The following DYNC1I1 variants were observed in gnomAD, a reference collection of about 807,000 sequenced individuals.
The protein encoded by DYNC1I1 is cytoplasmic dynein 1 intermediate chain 1.
A neutral mutation model predicts 86.6 loss-of-function variants in DYNC1I1; 43 were observed. The ratio of observed to expected loss-of-function variants is 0.50; its 90% CI spans 0.39 to 0.64. The LOEUF is 0.64. Ranked by LOEUF, DYNC1I1 falls within the 30% of genes least tolerant of loss-of-function variation. The pLI, the probability that DYNC1I1 is intolerant of heterozygous loss-of-function variation, is 0.00. For missense variants in DYNC1I1, 604 were observed against 788.8 expected, an observed-to-expected ratio of 0.77 and a Z score of 2.81; for synonymous variants, 262 against 283.7, an observed-to-expected ratio of 0.92 and a Z score of 0.77.
At chr7:96,048,869 G>A (rs1332540092) in intron 14 of DYNC1I1, among the ~76,000 whole-genome samples, 1 of 152,160 alleles carries the variant, frequency 6.6e-6, no homozygotes, top group East Asian at 1.9e-4. Flanking sequence ...GTCCTAAACA[G>A]TTACGCTTGA....
intron 6 of DYNC1I1, among the ~76,000 whole-genome samples, chr7:95,940,933 C>T (rs1792194913): frequency 6.6e-6 from 1 of 152,164 alleles, no homozygotes; most frequent in Non-Finnish European, 1.5e-5. Context: ...ATGGTTTTAT[C>T]TACTTTTGGT....
chr7:95,989,282 A>G (rs963824676), intron 9 of DYNC1I1, among the ~76,000 whole-genome samples: 6 of 152,224 alleles, frequency 3.9e-5, no homozygotes, highest in Admixed American at 1.3e-4. Flanking sequence ...TCAGCAATAA[A>G]GTGGGTGAAT....
At chr7:96,101,088 G>C (rs1192865623), downstream of DYNC1I1, among the ~76,000 whole-genome samples, 3 of 152,148 alleles carry the variant, frequency 2.0e-5, no homozygotes, top group African/African-American at 7.2e-5. Flanking sequence ...AGTAATAGTG[G>C]CTAGGTGGTG....
At chr7:95,777,553 AGCTGTTCTT>A (rs1793874734) in intron 1 of DYNC1I1, among the ~76,000 whole-genome samples, 3 of 152,164 alleles carry the variant, frequency 2.0e-5, no homozygotes. Context: ...CCTCTTTAGC[AGCTGTTCTT>A]GCTTCCAAAT....
intron 16 of DYNC1I1, among the ~76,000 whole-genome samples, chr7:96,092,080 T>C (rs975588514): frequency 6.6e-6 from 1 of 152,108 alleles, no homozygotes; most frequent in African/African-American, 2.4e-5. Flanking sequence ...TCTTTCCCTG[T>C]CCCCCGTTCA....
rs748250252 is a variant in DYNC1I1 at position 95,996,085 on chromosome 7, C to T, written c.969+12C>T. The T allele has an allele frequency of 7.4e-6, 12 of 1,613,732 alleles. No individual in the cohort carries two copies. Among genetic ancestry groups the T allele is most frequent in the South Asian group, 4.4e-5 (4 of 91,066 alleles). ...TCTTCCACTGTCAGGTAGGAGTCAGCGTAGTAAAAATAACTTACATCTCCT... is the reference window on the plus strand; with the variant it reads ...TCTTCCACTGTCAGGTAGGAGTCAGTGTAGTAAAAATAACTTACATCTCCT... On this transcript the variant is annotated intron_variant, in intron 10 of 16. Transcript: ENST00000447467.
chr7:95,777,917 G>A (rs992410898), intron 1 of DYNC1I1, among the ~76,000 whole-genome samples: 3 of 151,886 alleles, frequency 2.0e-5, no homozygotes, highest in Non-Finnish European at 2.9e-5. Flanking sequence ...CACATTTAAG[G>A]TTACATCTAA....
intron 6 of DYNC1I1, among the ~76,000 whole-genome samples, chr7:95,891,271 C>T (rs1790729902): frequency 6.6e-6 from 1 of 152,184 alleles, no homozygotes; most frequent in African/African-American, 2.4e-5. Flanking sequence ...TTTGATCTCC[C>T]TAGTCTGTGG....
chr7:96,004,058 G>A (rs1162840844), intron 10 of DYNC1I1, among the ~76,000 whole-genome samples: 1 of 152,178 alleles, frequency 6.6e-6, no homozygotes, highest in Non-Finnish European at 1.5e-5. Context: ...CAGTGACTTT[G>A]AGCAAAACTT....
intron 7 of DYNC1I1, among the ~76,000 whole-genome samples, chr7:95,983,659 T>G (rs559875405): frequency 3.9e-5 from 6 of 152,314 alleles, no homozygotes; most frequent in African/African-American, 1.4e-4. Context: ...TCATAAAATA[T>G]TGTGCTACAG....
At chr7:95,996,119 A>G (rs1227321310) in intron 10 of DYNC1I1, 46 bp downstream of exon 10, 1 of 1,612,416 alleles carries the variant, frequency 6.2e-7, no homozygotes, top group African/African-American at 1.3e-5. Context: ...CTGCTAGACC[A>G]AATATAGTTT....
At chr7:96,072,137 C>T (rs7796347) in intron 14 of DYNC1I1, among the ~76,000 whole-genome samples, 6,321 of 152,286 alleles carry the variant, frequency 0.042, 201 homozygotes, top group Non-Finnish European at 0.063. Flanking sequence ...AGGCACACAA[C>T]GAACACCCAA....
intron 6 of DYNC1I1, among the ~76,000 whole-genome samples, chr7:95,882,898 A>G (rs780641206): frequency 1.3e-5 from 2 of 152,190 alleles, no homozygotes; most frequent in Admixed American, 6.5e-5. Context: ...TCGTCACATT[A>G]TATCATCTGA....
intron 6 of DYNC1I1, among the ~76,000 whole-genome samples, chr7:95,940,415 CCCGTCA>C (rs1441622100): frequency 2.6e-5 from 4 of 152,142 alleles, no homozygotes; most frequent in Non-Finnish European, 4.4e-5. Context: ...TTCCATTCTC[CCCGTCA>C]CTTTCAGGTA....
At chr7:95,870,594 A>AAT (rs1464423156) in intron 6 of DYNC1I1, among the ~76,000 whole-genome samples, 1 of 152,246 alleles carries the variant, frequency 6.6e-6, no homozygotes, top group African/African-American at 2.4e-5. Flanking sequence ...TGAGGTAACA[A>AAT]CACACGAGAG....
At chr7:95,899,093 C>T (rs755180602) in intron 6 of DYNC1I1, among the ~76,000 whole-genome samples, 3 of 151,944 alleles carry the variant, frequency 2.0e-5, no homozygotes, top group Non-Finnish European at 2.9e-5. Flanking sequence ...ATGTGAAATC[C>T]ACAAGTCTCA....
chr7:95,906,992 T>C (rs1791193203), intron 6 of DYNC1I1, among the ~76,000 whole-genome samples: 1 of 152,186 alleles, frequency 6.6e-6, no homozygotes, highest in Admixed American at 6.5e-5. Context: ...GTCACAGAAA[T>C]GTGGTTTCAT....
At chr7:95,994,151 G>T (rs1249948346) in intron 9 of DYNC1I1, among the ~76,000 whole-genome samples, 115 of 152,192 alleles carry the variant, frequency 7.6e-4, no homozygotes, top group Admixed American at 7.4e-3. Flanking sequence ...GACAACAAAG[G>T]ATGATATATA....
downstream of DYNC1I1, among the ~76,000 whole-genome samples, chr7:96,099,505 CA>C (rs1244583719): frequency 6.6e-6 from 1 of 152,122 alleles, no homozygotes. Flanking sequence ...GCTTAAGCAA[CA>C]GAACTGTATT....
Sources: gnomAD v4.1 joint callset for allele counts (sites outside exome capture counted in the v4.1 genomes callset) on GRCh38, gnomAD v4.1.1 for gene constraint, MANE v1.5 for transcripts, NCBI Gene and HGNC (gene_info 2026-07-23, HGNC 2026-07-21) for gene names.